DMD: variants seen among roughly 807,000 people sequenced by gnomAD.
DMD encodes dystrophin, also known as mutant dystrophin.
DMD carries 63 observed loss-of-function variants against 330.1 expected under a neutral mutation model. That is an observed-to-expected ratio of 0.19 (90% CI 0.16 to 0.24). The LOEUF (loss-of-function observed/expected upper bound fraction) is 0.24, where lower values mean the gene tolerates loss of function less well. Ranked by LOEUF, DMD falls within the 10% of genes least tolerant of loss-of-function variation. The probability of loss-of-function intolerance (pLI) is 1.00; values close to 1 mark genes in which losing one functional copy is unlikely to be tolerated. For missense variants in DMD, 3,344 were observed against 2,684.1 expected (o/e 1.25, Z -5.43); for synonymous variants, 1,223 against 959.8 (o/e 1.27, Z -5.07).
chrX:32,821,853 G>A (rs1052087206), intron 5 of DMD, among the ~76,000 whole-genome samples: 9 of 110,338 alleles, frequency 8.2e-5, no homozygotes, highest in African/African-American at 3.0e-4. Context: ...TAAGGTGGTG[G>A]AAAAGTGCCA....
intron 42 of DMD, among the ~76,000 whole-genome samples, chrX:32,296,558 T>G (rs776764310): frequency 9.0e-6 from 1 of 111,446 alleles, no homozygotes; most frequent in South Asian, 3.9e-4. Context: ...AGCTCACATA[T>G]ACCTTCACAA....
intron 70 of DMD, chrX:31,178,440 T>G (rs2148286917): frequency 1.1e-6 from 1 of 936,258 alleles, no homozygotes; most frequent in South Asian, 4.4e-5. Context: ...TGGTTTTTTT[T>G]TTTTTTTCCC....
intron 52 of DMD, among the ~76,000 whole-genome samples, chrX:31,682,078 C>A (rs2082411934): frequency 8.9e-6 from 1 of 111,998 alleles, no homozygotes; most frequent in African/African-American, 3.2e-5. Flanking sequence ...AAAACTCCAT[C>A]TCAAAAATAA....
At chrX:31,238,398 TC>T (rs1311942152) in intron 63 of DMD, among the ~76,000 whole-genome samples, 1 of 112,024 alleles carries the variant, frequency 8.9e-6, no homozygotes, top group African/African-American at 3.2e-5. Flanking sequence ...AGCCCTTTTT[TC>T]CTAAGATGTA....
chrX:32,951,733 T>G (rs960757988), intron 2 of DMD, among the ~76,000 whole-genome samples: 3 of 111,905 alleles, frequency 2.7e-5, no homozygotes, highest in African/African-American at 9.7e-5. Flanking sequence ...CTGAGGTACC[T>G]GAAATATTTT....
chrX:32,545,507 T>A (rs747403893), intron 16 of DMD, among the ~76,000 whole-genome samples, 173 bp from the exon 17 acceptor site: 1 of 112,100 alleles, frequency 8.9e-6, no homozygotes, highest in African/African-American at 3.2e-5. Flanking sequence ...CTGACTTAAG[T>A]TTGGTTCACT....
chrX:32,169,997 G>A (rs1406492245), intron 44 of DMD, among the ~76,000 whole-genome samples: 1 of 111,600 alleles, frequency 9.0e-6, no homozygotes, highest in Non-Finnish European at 1.9e-5. Flanking sequence ...TAATTTTAAT[G>A]TTGTGATAAG....
chrX:32,454,609 C>G, intron 26 of DMD, 53 bp downstream of exon 26: 1 of 1,037,091 alleles, frequency 9.6e-7, no homozygotes, highest in Non-Finnish European at 1.3e-6. Flanking sequence ...GCATTTCTTT[C>G]TTTTTCCATT....
intron 55 of DMD, among the ~76,000 whole-genome samples, chrX:31,576,966 C>A (rs769345001): frequency 4.5e-5 from 5 of 110,744 alleles, no homozygotes; most frequent in Non-Finnish European, 9.5e-5. Flanking sequence ...CCGCCCGCCT[C>A]GGCCTCCCAA....
intron 41 of DMD, among the ~76,000 whole-genome samples, chrX:32,341,873 A>T (rs759798132): frequency 9.0e-6 from 1 of 111,482 alleles, no homozygotes; most frequent in Non-Finnish European, 1.9e-5. Context: ...TTCATTTTTG[A>T]TAAGGGGTTT....
intron 44 of DMD, among the ~76,000 whole-genome samples, chrX:32,144,361 G>A (rs894077388): frequency 8.9e-6 from 1 of 111,781 alleles, no homozygotes; most frequent in Non-Finnish European, 1.9e-5. Context: ...AATTAAAATA[G>A]TATCAAAAGC....
At chrX:31,923,127 G>GGCAA (rs1380769909) in intron 47 of DMD, among the ~76,000 whole-genome samples, 3 of 111,705 alleles carry the variant, frequency 2.7e-5, no homozygotes, top group Non-Finnish European at 5.6e-5. Flanking sequence ...TAGGATAACA[G>GGCAA]GCAAAAACCA....
chrX:31,473,721 A>AAAAAAAAAAAAAG (rs1273331431), intron 59 of DMD, among the ~76,000 whole-genome samples: 2 of 96,199 alleles, frequency 2.1e-5, no homozygotes, highest in African/African-American at 7.8e-5. Context: ...CAAAAAAAAA[A>AAAAAAAAAAAAAG]AAAAAAAGAA....
intron 45 of DMD, among the ~76,000 whole-genome samples, chrX:31,960,798 CAT>C (rs1257117086): frequency 2.7e-5 from 3 of 112,172 alleles, no homozygotes; most frequent in Non-Finnish European, 5.6e-5. Context: ...GCTGATTTTT[CAT>C]AGTCTTTTGA....
At chrX:31,899,410 G>A (rs1361541184) in intron 47 of DMD, among the ~76,000 whole-genome samples, 2 of 109,452 alleles carry the variant, frequency 1.8e-5, no homozygotes, top group Non-Finnish European at 1.9e-5. Context: ...AAATCAGCAG[G>A]TGCCTATTGA....
chrX:32,286,389 CATCTGAAGTGAG>C (rs910868628), intron 43 of DMD, among the ~76,000 whole-genome samples: 4 of 112,020 alleles, frequency 3.6e-5, no homozygotes, highest in African/African-American at 1.3e-4. Context: ...AAAAAGACAA[CATCTGAAGTGAG>C]ACCTGAAGAA....
At chrX:32,634,648 G>C (rs2058970055) in intron 11 of DMD, among the ~76,000 whole-genome samples, 1 of 111,803 alleles carries the variant, frequency 8.9e-6, no homozygotes, top group Non-Finnish European at 1.9e-5. Context: ...GCTAGGGCCT[G>C]GAATGGGGAC....
At chrX:31,991,606 G>T (rs1437371804) in intron 44 of DMD, among the ~76,000 whole-genome samples, 1 of 110,118 alleles carries the variant, frequency 9.1e-6, no homozygotes, top group Non-Finnish European at 1.9e-5. Context: ...TTGGAACAGA[G>T]ATAAAAAACA....
chrX:33,237,824 T>G (rs2052515801), intron 1 of DMD, among the ~76,000 whole-genome samples: 1 of 112,375 alleles, frequency 8.9e-6, no homozygotes, highest in African/African-American at 3.2e-5. Flanking sequence ...AATGAATTAA[T>G]TTTTGTATTG....
Sources: gnomAD v4.1 joint callset for allele counts (sites outside exome capture counted in the v4.1 genomes callset) on GRCh38, gnomAD v4.1.1 for gene constraint, MANE v1.5 for transcripts, NCBI Gene and HGNC (gene_info 2026-07-23, HGNC 2026-07-21) for gene names.